Variants in LRRCC1 observed in about 807,000 individuals in gnomAD.
LRRCC1 encodes leucine-rich repeat and coiled-coil domain-containing protein 1.
LRRCC1 carries 115 observed loss-of-function variants against 126.0 expected under a neutral mutation model. That is an observed-to-expected ratio of 0.91 (90% CI 0.78 to 1.07). LRRCC1 has a LOEUF of 1.07. Among genes scored for constraint, LRRCC1 ranks in the 50% least tolerant of loss-of-function variants. LRRCC1 has a pLI of 0.00. For synonymous variants in LRRCC1, 400 were observed against 393.4 expected, an observed-to-expected ratio of 1.02 and a Z score of -0.20; for missense variants, 1,172 against 1,175.7, an observed-to-expected ratio of 1.00 and a Z score of 0.05.
In LRRCC1 at chr8:85,129,342, A is replaced by C. The variant is rs1476730988; in HGVS notation, c.1589A>C (p.Lys530Thr). The change falls in exon 10 of 19, where the codon AAA becomes ACA. Residue 530 changes from lysine (K) to threonine (T), a missense_variant. By Grantham distance (78) the Lys-to-Thr change is moderately conservative (BLOSUM62 -1). Coordinates refer to ENST00000360375, the MANE Select transcript of LRRCC1 (RefSeq NM_033402.5). ...AGAACCCTCGAAAAAACATTAGAAA[A>C]AATGGAGAGACAAAAAAGGCAGCAG... ...HLRTLEKTLE[K>T]MERQKRQQQA... 1.9e-6 allele frequency: 3 copies of C among 1,612,330 alleles called. No individual in the cohort carries two copies. Among genetic ancestry groups the C allele is most frequent in the Non-Finnish European group, 2.5e-6 (3 of 1,179,652 alleles).
In LRRCC1 at chr8:85,132,201, G is replaced by C. The variant is rs189477918; in HGVS notation, c.1968+240G>C. Among the ~76,000 whole-genome samples, 582 of 152,272 alleles carry C rather than the reference G, an allele frequency of 3.8e-3. 4 individuals are homozygous for C. Among genetic ancestry groups the C allele is most frequent in the Admixed American group, 6.5e-3 (99 of 15,292 alleles). ...CACTGGAATAGGAATCTGAGAACCT[G>C]AATTCCCTCCTATTACTGTAGAGCA... On this transcript the variant is annotated intron_variant, in intron 12 of 18. Coordinates refer to ENST00000360375, the MANE Select transcript of LRRCC1 (RefSeq NM_033402.5).
chr8:85,118,784 G>A (rs775314139), intron 6 of LRRCC1, among the ~76,000 whole-genome samples: 5 of 152,030 alleles, frequency 3.3e-5, no homozygotes, highest in Non-Finnish European at 7.4e-5. Flanking sequence ...AATATATCTA[G>A]TGTGAATATT....
chr8:85,134,268 C>T (rs374220235), intron 12 of LRRCC1, among the ~76,000 whole-genome samples: 1 of 152,198 alleles, frequency 6.6e-6, no homozygotes, highest in Non-Finnish European at 1.5e-5. Context: ...TTGTCAGTGC[C>T]TGCCACCTAG....
chr8:85,126,283 G>A (rs554326202), intron 8 of LRRCC1, among the ~76,000 whole-genome samples: 5 of 152,232 alleles, frequency 3.3e-5, no homozygotes, highest in African/African-American at 4.8e-5. Flanking sequence ...TTGGCCCGGC[G>A]CAGTGGCTCA....
intron 11 of LRRCC1, 63 bp downstream of exon 11, chr8:85,130,121 T>C (rs1587418356): frequency 1.6e-6 from 2 of 1,229,448 alleles, no homozygotes; most frequent in Non-Finnish European, 2.2e-6. Flanking sequence ...AGCTACTGGT[T>C]CCCCACTACC....
intron 6 of LRRCC1, among the ~76,000 whole-genome samples, chr8:85,122,805 G>A (rs991498968): frequency 6.6e-5 from 10 of 152,270 alleles, no homozygotes; most frequent in Admixed American, 1.3e-4. Context: ...TGAATGTTTC[G>A]TTGTAGATAC....
intron 18 of LRRCC1, among the ~76,000 whole-genome samples, chr8:85,143,817 C>G (rs1341285879): frequency 6.6e-6 from 1 of 152,012 alleles, no homozygotes; most frequent in Non-Finnish European, 1.5e-5. Flanking sequence ...GAAGTAATAT[C>G]AAAGGAAAGA....
intron 18 of LRRCC1, among the ~76,000 whole-genome samples, chr8:85,144,402 ATG>A (rs56280153): frequency 1.9e-3 from 266 of 138,096 alleles, no homozygotes; most frequent in East Asian, 0.011. Context: ...TAGAGTTAAA[ATG>A]TGTGTGTGTG....
At position 85,124,951 on chromosome 8, in the gene LRRCC1, G is replaced by C; in HGVS notation, c.1272+12G>C. On this transcript the variant is annotated intron_variant, in intron 8 of 18. Transcript: ENST00000360375. ...ACAACACTTACCAGGTATGATTTAA[G>C]AGTTAAAGAAAAAATGAGTATGAAT... 1 of 1,558,258 alleles carries C rather than the reference G, an allele frequency of 6.4e-7. No individual in the cohort carries two copies. Among genetic ancestry groups the C allele is most frequent in the Non-Finnish European group, 8.6e-7 (1 of 1,156,182 alleles).
In LRRCC1 at chr8:85,110,101, C is replaced by CTTTT; in HGVS notation, c.311-6_311-3dup. 1 of 853,448 alleles carries CTTTT rather than the reference C, an allele frequency of 1.2e-6. No homozygotes were observed. Among genetic ancestry groups the CTTTT allele is most frequent in the Non-Finnish European group, 1.7e-6 (1 of 582,840 alleles). The allele number at this position is 853,448 out of a possible 1,614,324, so 52.9% of individuals were successfully genotyped here. A position where few individuals can be genotyped will look rare whatever the true frequency, so the allele number is the denominator to read the frequency against. ...TTTATAAAGGCTTTATTTTATTTTA[C>CTTTT]TTTTTTTTTTTAGGACTTGAAGAAC... is the stretch of plus-strand genomic sequence containing the variant. On this transcript the variant is annotated splice_polypyrimidine_tract_variant and intron_variant, in intron 2 of 18. Coordinates refer to ENST00000360375, the MANE Select transcript of LRRCC1 (RefSeq NM_033402.5).
At chr8:85,111,797 G>A (rs535880659) in intron 3 of LRRCC1, among the ~76,000 whole-genome samples, 1 of 151,962 alleles carries the variant, frequency 6.6e-6, no homozygotes, top group African/African-American at 2.4e-5. Context: ...GTGCTGGTGA[G>A]ATTGTGAAGC....
intron 5 of LRRCC1, 45 bp downstream of exon 5, chr8:85,115,320 A>G (rs1809030272): frequency 6.4e-7 from 1 of 1,567,164 alleles, no homozygotes; most frequent in East Asian, 2.2e-5. Flanking sequence ...AATACCTTCA[A>G]ATTTCAATAA....
chr8:85,114,551 A>G (rs193160499), intron 4 of LRRCC1, among the ~76,000 whole-genome samples: 1 of 152,140 alleles, frequency 6.6e-6, no homozygotes, highest in East Asian at 1.9e-4. Flanking sequence ...AATTTGTCAG[A>G]TATGATTGTT....
Position 85,115,446 on chromosome 8 carries a change from A to G in LRRCC1, c.792A>G (p.Thr264=). 6.2e-7 allele frequency: 1 copy of G among 1,613,720 alleles called. No individual in the cohort carries two copies. The highest frequency in any genetic ancestry group is 1.1e-5 in the South Asian group (1 of 91,078). ...TTCCCTTGGAACAGTTTGCAAGTACACCAAGTGATGCTGTGTTGACGTCTT... is the reference window on the plus strand; with the variant it reads ...TTCCCTTGGAACAGTTTGCAAGTACGCCAAGTGATGCTGTGTTGACGTCTT... ...ELVPLEQFAS[T]PSDAVLTSFM... is the part of the protein sequence containing the mutation. Residue 264 remains threonine, a synonymous_variant, in exon 6 of 19, where the codon ACA becomes ACG. Coordinates refer to ENST00000360375, the MANE Select transcript of LRRCC1 (RefSeq NM_033402.5).
chr8:85,138,285 G>A (rs1232293640), intron 16 of LRRCC1, 42 bp downstream of exon 16: 1 of 1,579,198 alleles, frequency 6.3e-7, no homozygotes, highest in African/African-American at 1.4e-5. Flanking sequence ...AATAAAATGT[G>A]GCTTAATAAT....
chr8:85,138,651 T>A (rs537997031), intron 17 of LRRCC1, among the ~76,000 whole-genome samples, 176 bp downstream of exon 17: 1 of 152,326 alleles, frequency 6.6e-6, no homozygotes. Flanking sequence ...ACCTTAAATG[T>A]TAGATAAGAG....
chr8:85,131,791 G>A lies in LRRCC1; in HGVS notation c.1798G>A (p.Asp600Asn). The A allele has an allele frequency of 6.2e-7, 1 of 1,613,320 alleles. No homozygotes were observed. The highest frequency in any genetic ancestry group is 8.5e-7 in the Non-Finnish European group (1 of 1,179,746). Reference sequence around the variant, plus strand: ...ACTTGAAACAAGGGAGTTTTTTACTGATGCTGACTTCCAGGATGCCTTAGC... The same window carrying A: ...ACTTGAAACAAGGGAGTTTTTTACTAATGCTGACTTCCAGGATGCCTTAGC... ...KELETREFFT[D>N]ADFQDALAKE... The change falls in exon 12 of 19, where the codon GAT becomes AAT. Residue 600 changes from aspartate (D) to asparagine (N), a missense_variant. Coordinates refer to ENST00000360375, the MANE Select transcript of LRRCC1 (RefSeq NM_033402.5).
At chr8:85,122,791 A>G (rs897061516) in intron 6 of LRRCC1, among the ~76,000 whole-genome samples, 4 of 152,124 alleles carry the variant, frequency 2.6e-5, no homozygotes, top group Non-Finnish European at 5.9e-5. Context: ...CGTCCTGGAC[A>G]TTGTGAATGT....
At chr8:85,140,548 T>A (rs550923130) in intron 17 of LRRCC1, among the ~76,000 whole-genome samples, 1 of 152,344 alleles carries the variant, frequency 6.6e-6, no homozygotes, top group South Asian at 2.1e-4. Context: ...ATAGTATTAT[T>A]TGTATTTATA....
Sources: allele counts gnomAD v4.1 joint callset (sites outside exome capture counted in the v4.1 genomes callset), GRCh38; gene constraint gnomAD v4.1.1; transcripts MANE v1.5; gene names NCBI Gene and HGNC (gene_info 2026-07-23, HGNC 2026-07-21).